Variants in TANC2 observed in about 807,000 individuals in gnomAD.
TANC2 encodes protein TANC2.
A neutral mutation model predicts 210.5 loss-of-function variants in TANC2; 26 were observed. That is an observed-to-expected ratio of 0.12 (90% CI 0.09 to 0.17). The LOEUF (loss-of-function observed/expected upper bound fraction) is 0.17. Ranked by LOEUF, TANC2 falls within the 10% of genes least tolerant of loss-of-function variation. TANC2 has a pLI of 1.00. For missense variants in TANC2, 2,129 were observed against 2,608.9 expected, an observed-to-expected ratio of 0.82 and a Z score of 4.01; for synonymous variants, 931 against 967.1, an observed-to-expected ratio of 0.96 and a Z score of 0.69.
At chr17:63,046,890 G>T (rs531373775) in intron 2 of TANC2, among the ~76,000 whole-genome samples, 5 of 152,242 alleles carry the variant, frequency 3.3e-5, no homozygotes, top group African/African-American at 1.2e-4. Context: ...ATTTTCCAGT[G>T]AGTGTCTATA....
chr17:63,134,065 C>G (rs2039008309), intron 4 of TANC2, among the ~76,000 whole-genome samples: 1 of 152,136 alleles, frequency 6.6e-6, no homozygotes, highest in African/African-American at 2.4e-5. Flanking sequence ...GTACTAGTAT[C>G]CTGTTATAAT....
intron 2 of TANC2, among the ~76,000 whole-genome samples, chr17:63,022,212 GGC>G (rs371834569): frequency 9.9e-5 from 15 of 151,872 alleles, no homozygotes; most frequent in African/African-American, 3.6e-4. Flanking sequence ...TATGGTGGTG[GGC>G]GCCTGTAATC....
At chr17:63,244,390 A>G (rs1009999951) in intron 8 of TANC2, among the ~76,000 whole-genome samples, 19 of 152,338 alleles carry the variant, frequency 1.2e-4, no homozygotes, top group African/African-American at 4.6e-4. Flanking sequence ...GAAATGCTCC[A>G]GGATCCGAAT....
At chr17:63,237,417 T>C (rs536836682) in intron 7 of TANC2, among the ~76,000 whole-genome samples, 2 of 152,138 alleles carry the variant, frequency 1.3e-5, no homozygotes, top group Non-Finnish European at 2.9e-5. Flanking sequence ...ATTCTGCAGG[T>C]TCTTTTCACT....
At position 63,234,584 on chromosome 17, in the gene TANC2, C is replaced by G. The variant is rs111903994; in HGVS notation, c.770-3230C>G. Among the ~76,000 whole-genome samples, 840 of 152,090 alleles carry G rather than the reference C, an allele frequency of 5.5e-3. 7 individuals are homozygous for G. The highest frequency in any genetic ancestry group is 0.018 in the African/African-American group (749 of 41,500). ...GCAGGGCTTTAGCCTCTGTGCTTTCCTTTGTTTTATCTCTCCTATCATCAT... is the reference window on the plus strand; with the variant it reads ...GCAGGGCTTTAGCCTCTGTGCTTTCGTTTGTTTTATCTCTCCTATCATCAT... On this transcript the variant is annotated intron_variant, in intron 7 of 27. Coordinates refer to ENST00000689528, the Ensembl canonical transcript of TANC2.
At chr17:63,271,793 T>A (rs1199664530) in intron 9 of TANC2, among the ~76,000 whole-genome samples, 1 of 149,680 alleles carries the variant, frequency 6.7e-6, no homozygotes, top group Non-Finnish European at 1.5e-5. Flanking sequence ...ACAAATTAAT[T>A]TAAATTTAAT....
chr17:63,147,363 AAAAAG>A (rs2039498762), intron 4 of TANC2, among the ~76,000 whole-genome samples: 1 of 152,154 alleles, frequency 6.6e-6, no homozygotes, highest in Non-Finnish European at 1.5e-5. Context: ...AAAAAAAAGA[AAAAAG>A]AAAAGAAATT....
intron 10 of TANC2, among the ~76,000 whole-genome samples, chr17:63,316,045 T>C (rs1000954838): frequency 5.9e-5 from 9 of 152,224 alleles, no homozygotes; most frequent in Non-Finnish European, 2.9e-5. Flanking sequence ...CTTTGTGAAC[T>C]TGAGAATTTT....
chr17:63,144,439 A>G (rs773883701), intron 4 of TANC2, among the ~76,000 whole-genome samples: 6 of 152,190 alleles, frequency 3.9e-5, no homozygotes, highest in Non-Finnish European at 7.4e-5. Context: ...CAGAGAAATC[A>G]GATATCTAAT....
intron 15 of TANC2, among the ~76,000 whole-genome samples, chr17:63,386,904 G>A (rs974993118): frequency 6.6e-6 from 1 of 152,048 alleles, no homozygotes; most frequent in Non-Finnish European, 1.5e-5. Context: ...CCAGGCTGGA[G>A]TGCAGTAGCA....
In TANC2 at chr17:63,422,667, C is replaced by T. The variant is rs946892756; in HGVS notation, c.*712C>T. On this transcript the variant is annotated 3_prime_UTR_variant, in exon 28 of 28. Transcript: ENST00000689528. ...CCAGCCCTTTAAATATTGCAGTCAG[C>T]CAAGGAAATTAGATGAGAATTGTGG... is the stretch of plus-strand genomic sequence containing the variant. 6 of 152,240 alleles carry T rather than the reference C, an allele frequency of 3.9e-5. No homozygotes were observed. In the East Asian group the frequency reaches 1.2e-3, roughly 29 times the overall value. The allele number at this position is 152,240 out of a possible 1,614,324, so 9.4% of individuals were successfully genotyped here.
At position 63,220,718 on chromosome 17, in the gene TANC2, A is replaced by AT. The variant is rs1567826629; in HGVS notation, c.770-17096_770-17095insT. ...GAATCAGTCTCAAAAAAAAAAAAAA[A>AT]AATATATATATATATATATGTATAT... On this transcript the variant is annotated intron_variant, in intron 7 of 27. Coordinates refer to ENST00000689528, the Ensembl canonical transcript of TANC2. 5.6e-3 allele frequency among the ~76,000 whole-genome samples: 715 copies of AT among 127,798 alleles called. 11 individuals are homozygous for AT. Among genetic ancestry groups the AT allele is most frequent in the East Asian group, 0.022 (100 of 4,622 alleles). 83.8% of individuals were successfully genotyped at this position (127,798 alleles called of 152,430 possible). A position where few individuals can be genotyped will look rare whatever the true frequency, so the allele number is the denominator to read the frequency against.
chr17:63,181,131 G>A (rs1443244801), intron 5 of TANC2, among the ~76,000 whole-genome samples: 6 of 150,592 alleles, frequency 4.0e-5, no homozygotes, highest in South Asian at 4.2e-4. Context: ...TCACAGAGCC[G>A]CCTCTTCTTT....
chr17:63,411,870 A>T, intron 22 of TANC2, 128 bp from the exon 23 acceptor site: 1 of 1,454,332 alleles, frequency 6.9e-7, no homozygotes, highest in South Asian at 1.4e-5. Flanking sequence ...CTAAGGCCTG[A>T]AATACATGGC....
At chr17:63,364,871 T>C (rs994662874) in intron 14 of TANC2, among the ~76,000 whole-genome samples, 2 of 152,204 alleles carry the variant, frequency 1.3e-5, no homozygotes, top group Admixed American at 6.5e-5. Context: ...AGGTAATAAC[T>C]GCTTTATGTG....
At chr17:63,186,995 A>C (rs2041012065) in intron 5 of TANC2, among the ~76,000 whole-genome samples, 1 of 152,208 alleles carries the variant, frequency 6.6e-6, no homozygotes, top group Non-Finnish European at 1.5e-5. Flanking sequence ...GTCTTTGTTT[A>C]GGGACATATC....
chr17:63,184,778 C>T (rs919374070), intron 5 of TANC2, among the ~76,000 whole-genome samples: 13 of 151,682 alleles, frequency 8.6e-5, no homozygotes, highest in African/African-American at 3.1e-4. Context: ...TTCAGCCTCC[C>T]GAGTAGCTGG....
At chr17:63,224,714 C>T (rs1460105192) in intron 7 of TANC2, among the ~76,000 whole-genome samples, 4 of 152,158 alleles carry the variant, frequency 2.6e-5, no homozygotes, top group African/African-American at 7.2e-5. Context: ...GTCAGTGTTC[C>T]CCACCACTGC....
chr17:62,978,680 G>C (rs1360412289), intron 1 of TANC2: 1 of 152,210 alleles, frequency 6.6e-6, no homozygotes, highest in Non-Finnish European at 1.5e-5. Flanking sequence ...CCTCTGTATA[G>C]GTGCTCATTG....
Sources: allele counts gnomAD v4.1 joint callset (sites outside exome capture counted in the v4.1 genomes callset), GRCh38; gene constraint gnomAD v4.1.1; transcripts MANE v1.5; gene names NCBI Gene and HGNC (gene_info 2026-07-23, HGNC 2026-07-21).